The following TENM2 variants were observed in gnomAD, a reference collection of about 807,000 sequenced individuals.
The protein encoded by TENM2 is teneurin transmembrane protein 2.
A neutral mutation model predicts 245.2 loss-of-function variants in TENM2; 52 were observed. That is an observed-to-expected ratio of 0.21 (90% CI 0.17 to 0.27). TENM2 has a LOEUF of 0.27. TENM2 is among the 10% of genes least tolerant of loss of function. The probability of loss-of-function intolerance (pLI) is 1.00; values close to 1 mark genes in which losing one functional copy is unlikely to be tolerated. For missense variants in TENM2, 3,046 were observed against 3,666.8 expected (o/e 0.83, Z 4.37); for synonymous variants, 1,363 against 1,438.9 (o/e 0.95, Z 1.19).
At chr5:167,499,459 C>T (rs1484734601) in intron 2 of TENM2, among the ~76,000 whole-genome samples, 1 of 152,082 alleles carries the variant, frequency 6.6e-6, no homozygotes, top group Non-Finnish European at 1.5e-5. Flanking sequence ...GATGCTTTTT[C>T]TAGAAGTTGC....
intron 2 of TENM2, among the ~76,000 whole-genome samples, chr5:167,807,124 T>TAAAAA (rs1178739925): frequency 0.012 from 574 of 49,050 alleles, 49 homozygotes; most frequent in East Asian, 0.071. Flanking sequence ...GCCCCTAGGT[T>TAAAAA]AAAAAAAAAA....
chr5:168,007,527 G>A (rs978156056), intron 5 of TENM2, among the ~76,000 whole-genome samples: 2 of 152,126 alleles, frequency 1.3e-5, no homozygotes, highest in African/African-American at 4.8e-5. Context: ...GAGACTATGG[G>A]GTCTTCAAAG....
chr5:167,311,104 G>A (rs1756005890), intron 1 of TENM2, among the ~76,000 whole-genome samples: 2 of 152,132 alleles, frequency 1.3e-5, no homozygotes, highest in African/African-American at 4.8e-5. Flanking sequence ...AGGGCTTAGG[G>A]GACACTGGAC....
chr5:168,230,503 A>C (rs1196745686), intron 25 of TENM2, among the ~76,000 whole-genome samples: 1 of 152,202 alleles, frequency 6.6e-6, no homozygotes, highest in Non-Finnish European at 1.5e-5. Flanking sequence ...GGAACTGGGG[A>C]GTGGCCATTT....
intron 2 of TENM2, among the ~76,000 whole-genome samples, chr5:167,832,620 G>T (rs536900702): frequency 6.6e-6 from 1 of 152,090 alleles, no homozygotes; most frequent in African/African-American, 2.4e-5. Context: ...TGGATAGAGG[G>T]ATGGAAGAAT....
At chr5:168,076,581 T>A (rs1169518760) in intron 7 of TENM2, among the ~76,000 whole-genome samples, 1 of 152,152 alleles carries the variant, frequency 6.6e-6, no homozygotes, top group Non-Finnish European at 1.5e-5. Flanking sequence ...TATTCCCCCT[T>A]GAAAATGTCA....
chr5:167,813,342 AG>A (rs1402938186), intron 2 of TENM2, among the ~76,000 whole-genome samples: 1 of 151,946 alleles, frequency 6.6e-6, no homozygotes, highest in Non-Finnish European at 1.5e-5. Context: ...GTGTCTGCCC[AG>A]GGTTCTGGAA....
intron 9 of TENM2, among the ~76,000 whole-genome samples, chr5:168,107,292 C>G (rs1794322755): frequency 6.6e-6 from 1 of 152,132 alleles, no homozygotes; most frequent in Admixed American, 6.5e-5. Context: ...GGCTACCAAC[C>G]TCTCCATGAT....
chr5:167,869,413 C>T (rs1772617308), intron 2 of TENM2, among the ~76,000 whole-genome samples: 2 of 152,186 alleles, frequency 1.3e-5, no homozygotes, highest in Non-Finnish European at 2.9e-5. Flanking sequence ...AATCTTGATT[C>T]TTACCTTTGG....
chr5:167,341,106 T>A (rs1758074496), intron 1 of TENM2, among the ~76,000 whole-genome samples: 1 of 152,180 alleles, frequency 6.6e-6, no homozygotes. Flanking sequence ...TCTTCCCAGG[T>A]CTCTGCTGTT....
intron 2 of TENM2, among the ~76,000 whole-genome samples, chr5:167,825,636 C>T (rs907292543): frequency 4.6e-5 from 7 of 152,122 alleles, no homozygotes; most frequent in African/African-American, 1.4e-4. Context: ...GACAGACTTG[C>T]GATCCCACGG....
chr5:168,219,196 G>A (rs1192777783), intron 23 of TENM2, among the ~76,000 whole-genome samples, 197 bp downstream of exon 25: 2 of 152,152 alleles, frequency 1.3e-5, no homozygotes, highest in African/African-American at 4.8e-5. Context: ...CTCTGATATT[G>A]AGCATCCTCC....
chr5:168,047,630 C>T (rs1788720657), intron 6 of TENM2, 81 bp downstream of exon 8: 1 of 1,480,680 alleles, frequency 6.8e-7, no homozygotes, highest in African/African-American at 1.4e-5. Flanking sequence ...GTTTTCTAAT[C>T]CAAATCTTGG....
At chr5:167,134,953 C>T in the TENM2 span, among the ~76,000 whole-genome samples, 6 of 152,138 alleles carry the variant, frequency 3.9e-5, no homozygotes, top group South Asian at 2.1e-4. Context: ...CTATTGTTAA[C>T]GATGGTATAT....
At chr5:167,965,304 A>G (rs1188502806) in intron 4 of TENM2, 3 of 152,210 alleles carry the variant, frequency 2.0e-5, no homozygotes, top group Non-Finnish European at 2.9e-5. Flanking sequence ...GAGTGCAGTT[A>G]TTGGCCAGAC....
intron 5 of TENM2, among the ~76,000 whole-genome samples, chr5:168,015,867 C>T (rs984656126): frequency 3.2e-4 from 48 of 152,312 alleles, no homozygotes; most frequent in African/African-American, 1.1e-3. Context: ...TTCCTTGAAT[C>T]CCTCGTTTAA....
intron 2 of TENM2, among the ~76,000 whole-genome samples, chr5:167,526,032 G>A (rs1347430964): frequency 1.3e-5 from 2 of 151,878 alleles, no homozygotes; most frequent in African/African-American, 4.8e-5. Context: ...ATTCAGAAAT[G>A]GGTCTCCTTG....
At chr5:167,092,164 T>C in the TENM2 span, among the ~76,000 whole-genome samples, 1 of 152,122 alleles carries the variant, frequency 6.6e-6, no homozygotes, top group East Asian at 1.9e-4. Context: ...TATATTGGTA[T>C]GTGGTTGAAA....
intron 2 of TENM2, among the ~76,000 whole-genome samples, chr5:167,863,792 G>A (rs886801889): frequency 3.3e-5 from 5 of 152,172 alleles, no homozygotes; most frequent in African/African-American, 1.2e-4. Flanking sequence ...AAAGAACCCT[G>A]ATCTCCTAAC....
Sources: gnomAD v4.1 joint callset for allele counts (sites outside exome capture counted in the v4.1 genomes callset) on GRCh38, gnomAD v4.1.1 for gene constraint, MANE v1.5 for transcripts, NCBI Gene and HGNC (gene_info 2026-07-23, HGNC 2026-07-21) for gene names.